CDH9: variants seen among roughly 807,000 people sequenced by gnomAD.
CDH9 encodes the protein cadherin-9.
Under a neutral mutation model 70.9 loss-of-function variants are expected in CDH9, and 28 were observed. That is an observed-to-expected ratio of 0.40 (90% CI 0.29 to 0.54). The LOEUF is 0.54. Ranked by LOEUF, CDH9 falls within the 20% of genes least tolerant of loss-of-function variation. CDH9 has a pLI of 0.59. For missense variants in CDH9, 874 were observed against 984.4 expected (o/e 0.89, Z 1.50); for synonymous variants, 409 against 343.1 (o/e 1.19, Z -2.12).
chr5:26,963,900 T>C (rs1263759868), intron 2 of CDH9, among the ~76,000 whole-genome samples: 1 of 152,114 alleles, frequency 6.6e-6, no homozygotes, highest in Non-Finnish European at 1.5e-5. Context: ...TTGAAAAGCT[T>C]TCACAAGACT....
chr5:27,024,633 CTTT>C (rs1743191395), intron 1 of CDH9, among the ~76,000 whole-genome samples: 1 of 152,058 alleles, frequency 6.6e-6, no homozygotes, highest in Admixed American at 6.6e-5. Context: ...ACAATAAACT[CTTT>C]GATACTTGCA....
intron 2 of CDH9, among the ~76,000 whole-genome samples, chr5:26,973,522 C>T (rs1273579987): frequency 6.6e-6 from 1 of 151,842 alleles, no homozygotes; most frequent in Admixed American, 6.6e-5. Context: ...ACTTGAAATT[C>T]AAGACCGAAT....
At chr5:26,997,576 A>G (rs1044051901) in intron 1 of CDH9, among the ~76,000 whole-genome samples, 1 of 152,246 alleles carries the variant, frequency 6.6e-6, no homozygotes, top group Admixed American at 6.5e-5. Flanking sequence ...AATCAGTGCC[A>G]GAGATGGAAA....
At chr5:26,891,723 A>G (rs537544187) in intron 7 of CDH9, among the ~76,000 whole-genome samples, 8 of 152,170 alleles carry the variant, frequency 5.3e-5, no homozygotes, top group African/African-American at 1.9e-4. Flanking sequence ...AAGGCAGAAA[A>G]TTGGTTTAGA....
At chr5:27,031,049 T>C (rs573945558) in intron 1 of CDH9, among the ~76,000 whole-genome samples, 11 of 151,756 alleles carry the variant, frequency 7.2e-5, no homozygotes, top group Non-Finnish European at 1.3e-4. Flanking sequence ...ATTTAATACG[T>C]TTAAATTTTT....
Position 26,902,662 on chromosome 5 carries a change from G to A in CDH9, c.1067C>T (p.Pro356Leu). The change falls in exon 7 of 12, where the codon CCA (proline) becomes CTA (leucine). Residue 356 changes from proline (P) to leucine (L), a missense_variant. Physicochemically the swap from Pro to Leu is moderately conservative, Grantham distance 98. Transcript: ENST00000231021. ...GAAAGGTCCCAGGTGTAAGAATCGT[G>A]GATCAGGGTGAGTGTTACTTGCATC... The part of the protein sequence containing the change: ...RVDASNTHPD[P>L]RFLHLGPFKD... 4 of 1,583,692 alleles carry A rather than the reference G, an allele frequency of 2.5e-6. No individual in the cohort carries two copies. The highest frequency in any genetic ancestry group is 3.5e-6 in the Non-Finnish European group (4 of 1,152,698).
At chr5:26,941,582 C>A (rs566726789) in intron 2 of CDH9, among the ~76,000 whole-genome samples, 11 of 152,236 alleles carry the variant, frequency 7.2e-5, no homozygotes, top group Admixed American at 3.3e-4. Flanking sequence ...TCTGGGAGTT[C>A]ATTATGTTGA....
chr5:26,987,350 G>A (rs1385178398), intron 2 of CDH9, among the ~76,000 whole-genome samples: 2 of 151,852 alleles, frequency 1.3e-5, no homozygotes, highest in Non-Finnish European at 2.9e-5. Flanking sequence ...CCTGAGTTTA[G>A]AATAGTATGA....
chr5:26,944,421 C>A (rs1741711920), intron 2 of CDH9, among the ~76,000 whole-genome samples: 1 of 152,098 alleles, frequency 6.6e-6, no homozygotes, highest in South Asian at 2.1e-4. Flanking sequence ...GAGGCTGGGG[C>A]AAGAGGATCG....
At chr5:27,011,426 TGAA>T (rs945762830) in intron 1 of CDH9, among the ~76,000 whole-genome samples, 2 of 152,080 alleles carry the variant, frequency 1.3e-5, no homozygotes, top group East Asian at 1.9e-4. Flanking sequence ...GATGACCATG[TGAA>T]GAAGGAGACA....
At chr5:26,881,764 G>GGGT in intron 11 of CDH9, 141 bp from the exon 12 acceptor site, 4 of 726,784 alleles carry the variant, frequency 5.5e-6, no homozygotes, top group East Asian at 2.7e-5. Flanking sequence ...TACAAATACA[G>GGGT]AGTTCCTCTA....
chr5:26,903,545 G>A, intron 6 of CDH9, 92 bp downstream of exon 6: 1 of 858,324 alleles, frequency 1.2e-6, no homozygotes, highest in Non-Finnish European at 2.0e-6. Context: ...AAAGATGGGG[G>A]AAAATAAATC....
chr5:26,985,270 T>A (rs1742469923), intron 2 of CDH9, among the ~76,000 whole-genome samples: 1 of 152,112 alleles, frequency 6.6e-6, no homozygotes, highest in Non-Finnish European at 1.5e-5. Context: ...TAGCTCTTCT[T>A]GTCCCTAATG....
chr5:26,914,954 C>T (rs898259463), intron 3 of CDH9, among the ~76,000 whole-genome samples: 4 of 152,052 alleles, frequency 2.6e-5, no homozygotes, highest in African/African-American at 7.2e-5. Flanking sequence ...TAGTCATACA[C>T]ATATAAAACT....
intron 2 of CDH9, among the ~76,000 whole-genome samples, chr5:26,933,194 T>C (rs1741494621): frequency 6.7e-6 from 1 of 148,620 alleles, no homozygotes. Flanking sequence ...ATTGCATAAA[T>C]GTATTACGAA....
At chr5:26,987,194 T>A (rs1046115772) in intron 2 of CDH9, among the ~76,000 whole-genome samples, 1 of 150,654 alleles carries the variant, frequency 6.6e-6, no homozygotes, top group African/African-American at 2.4e-5. Flanking sequence ...TCTCTCCAAG[T>A]ACATATATGC....
intron 2 of CDH9, among the ~76,000 whole-genome samples, chr5:26,921,532 GACAA>G (rs1292472417): frequency 1.3e-5 from 2 of 152,008 alleles, no homozygotes; most frequent in Non-Finnish European, 2.9e-5. Flanking sequence ...GGAAAAACTG[GACAA>G]ACAAAAAGGT....
intron 2 of CDH9, among the ~76,000 whole-genome samples, chr5:26,928,827 A>G (rs1741390712): frequency 6.6e-6 from 1 of 152,112 alleles, no homozygotes; most frequent in African/African-American, 2.4e-5. Flanking sequence ...CTCTCACCAT[A>G]TACAAAAATT....
intron 1 of CDH9, among the ~76,000 whole-genome samples, chr5:27,013,856 A>C (rs1031933359): frequency 6.6e-6 from 1 of 152,118 alleles, no homozygotes; most frequent in African/African-American, 2.4e-5. Flanking sequence ...TTCCCATTCT[A>C]TATCCCATAC....
Sources: gnomAD v4.1 joint callset for allele counts (sites outside exome capture counted in the v4.1 genomes callset) on GRCh38, gnomAD v4.1.1 for gene constraint, MANE v1.5 for transcripts, NCBI Gene and HGNC (gene_info 2026-07-23, HGNC 2026-07-21) for gene names.